DTNB: variants seen among roughly 807,000 people sequenced by gnomAD.
The protein encoded by DTNB is dystrobrevin beta.
Under a neutral mutation model 90.7 loss-of-function variants are expected in DTNB, and 63 were observed. The observed-to-expected ratio is 0.69, with a 90% confidence interval of 0.57 to 0.86. The LOEUF (loss-of-function observed/expected upper bound fraction) is 0.86, where lower values mean the gene tolerates loss of function less well. Among genes scored for constraint, DTNB ranks in the 40% least tolerant of loss-of-function variants. DTNB has a pLI of 0.00. For synonymous variants in DTNB, 277 were observed against 286.7 expected, an observed-to-expected ratio of 0.97 and a Z score of 0.34; for missense variants, 744 against 807.1, an observed-to-expected ratio of 0.92 and a Z score of 0.95.
intron 8 of DTNB, among the ~76,000 whole-genome samples, chr2:25,567,014 C>A (rs1434262172): frequency 1.3e-5 from 2 of 152,220 alleles, no homozygotes; most frequent in Non-Finnish European, 2.9e-5. Context: ...AGACAGGGGG[C>A]ATGGCAGACC....
At chr2:25,584,595 T>G (rs1457801477) in intron 6 of DTNB, among the ~76,000 whole-genome samples, 1 of 152,114 alleles carries the variant, frequency 6.6e-6, no homozygotes, top group Non-Finnish European at 1.5e-5. Flanking sequence ...CTCACTCTTT[T>G]GCCCAGCCTG....
At chr2:25,392,851 T>C (rs1315816089) in intron 16 of DTNB, among the ~76,000 whole-genome samples, 1 of 152,136 alleles carries the variant, frequency 6.6e-6, no homozygotes, top group Non-Finnish European at 1.5e-5. Flanking sequence ...ACTGACACTA[T>C]TGCAAAAGAT....
At chr2:25,616,960 A>AAAAT in intron 4 of DTNB, among the ~76,000 whole-genome samples, 1 of 150,884 alleles carries the variant, frequency 6.6e-6, no homozygotes, top group East Asian at 1.9e-4. Flanking sequence ...AAAGGAAAAA[A>AAAAT]AAGACTCATT....
intron 16 of DTNB, among the ~76,000 whole-genome samples, chr2:25,411,731 C>T (rs562572252): frequency 1.8e-4 from 27 of 152,328 alleles, no homozygotes; most frequent in African/African-American, 6.5e-4. Context: ...GGTATCATGT[C>T]AACCATGAAA....
chr2:25,511,661 A>C (rs1261121782), intron 9 of DTNB, among the ~76,000 whole-genome samples: 2 of 152,068 alleles, frequency 1.3e-5, no homozygotes, highest in African/African-American at 4.8e-5. Context: ...TCCATATGGA[A>C]CTGATACTTC....
intron 16 of DTNB, among the ~76,000 whole-genome samples, chr2:25,400,643 G>A (rs2043474516): frequency 6.6e-6 from 1 of 152,320 alleles, no homozygotes; most frequent in East Asian, 1.9e-4. Context: ...AGGGCAATTC[G>A]CCTGGAGAAG....
In DTNB at chr2:25,665,257, T is replaced by C. The variant is rs532879322; in HGVS notation, c.-2+8129A>G. 3.3e-5 allele frequency among the ~76,000 whole-genome samples: 5 copies of C among 152,328 alleles called. No individual in the cohort carries two copies. The South Asian group carries it at 8.3e-4, about 25-fold the overall frequency. On this transcript the variant is annotated intron_variant, in intron 1 of 20. Transcript: ENST00000406818. The stretch of plus-strand genomic sequence containing the variant: ...TCAGCTACGTCAAAGCATCCAAGTA[T>C]TGAAATTTCTTATGTAAGTTCACCA...
chr2:25,499,132 G>A (rs1166341410), intron 9 of DTNB, among the ~76,000 whole-genome samples: 1 of 151,728 alleles, frequency 6.6e-6, no homozygotes, highest in East Asian at 1.9e-4. Context: ...CAGGAGAATC[G>A]CTTGAACCGG....
chr2:25,383,731 G>A, intron 19 of DTNB, 105 bp downstream of exon 19: 1 of 1,608,504 alleles, frequency 6.2e-7, no homozygotes, highest in Non-Finnish European at 8.5e-7. Context: ...CGAAAGCTCT[G>A]GGAAAGGTGG....
chr2:25,465,864 A>C (rs1414044523), intron 10 of DTNB, among the ~76,000 whole-genome samples: 1 of 152,214 alleles, frequency 6.6e-6, no homozygotes, highest in Non-Finnish European at 1.5e-5. Flanking sequence ...ATATTATAAA[A>C]CAATATTTTT....
At chr2:25,416,850 G>GGT (rs1574084180) in intron 16 of DTNB, among the ~76,000 whole-genome samples, 1 of 111,410 alleles carries the variant, frequency 9.0e-6, no homozygotes, top group African/African-American at 3.9e-5. Context: ...GGAAGGAAGG[G>GGT]TGGTTGGGTT....
chr2:25,666,759 C>A (rs902306905), intron 1 of DTNB, among the ~76,000 whole-genome samples: 1 of 152,028 alleles, frequency 6.6e-6, no homozygotes, highest in Non-Finnish European at 1.5e-5. Context: ...TTGCTGGATC[C>A]GGAGTCTAGA....
At chr2:25,518,649 G>A (rs540237469) in intron 9 of DTNB, among the ~76,000 whole-genome samples, 53 of 152,124 alleles carry the variant, frequency 3.5e-4, no homozygotes, top group African/African-American at 1.1e-3. Flanking sequence ...AGGCAAAAAC[G>A]TTATCCTATT....
chr2:25,664,849 T>C (rs938065132), intron 1 of DTNB, among the ~76,000 whole-genome samples: 1 of 152,082 alleles, frequency 6.6e-6, no homozygotes, highest in Non-Finnish European at 1.5e-5. Flanking sequence ...GCTAAAGCGC[T>C]AGAGCCCATT....
intron 10 of DTNB, among the ~76,000 whole-genome samples, chr2:25,476,303 A>C (rs1002958218): frequency 5.3e-5 from 8 of 152,178 alleles, no homozygotes; most frequent in Admixed American, 5.2e-4. Flanking sequence ...TCCTGACCTC[A>C]GGTGATCCAC....
intron 9 of DTNB, among the ~76,000 whole-genome samples, chr2:25,500,779 C>T (rs986144889): frequency 6.6e-6 from 1 of 152,098 alleles, no homozygotes; most frequent in Non-Finnish European, 1.5e-5. Flanking sequence ...ATAATTAATG[C>T]ATGTATAGCT....
intron 15 of DTNB, among the ~76,000 whole-genome samples, chr2:25,426,314 A>G (rs1343189638): frequency 6.6e-6 from 1 of 152,266 alleles, no homozygotes; most frequent in East Asian, 1.9e-4. Flanking sequence ...CATGAGCAGC[A>G]TCATCCAATC....
intron 3 of DTNB, among the ~76,000 whole-genome samples, chr2:25,633,059 T>C (rs1018218215): frequency 6.6e-6 from 1 of 152,240 alleles, no homozygotes; most frequent in Non-Finnish European, 1.5e-5. Context: ...ATTCTACAGA[T>C]AAATTAATAT....
chr2:25,405,650 A>AT (rs1426228513), intron 16 of DTNB, among the ~76,000 whole-genome samples: 4 of 150,748 alleles, frequency 2.7e-5, no homozygotes, highest in African/African-American at 9.8e-5. Context: ...TGATTTTTAC[A>AT]TTTTTTAATG....
Sources: allele counts gnomAD v4.1 joint callset (sites outside exome capture counted in the v4.1 genomes callset), GRCh38; gene constraint gnomAD v4.1.1; transcripts MANE v1.5; gene names NCBI Gene and HGNC (gene_info 2026-07-23, HGNC 2026-07-21).